The following ITGA2 variants were observed in gnomAD, a reference collection of about 807,000 sequenced individuals.
The protein encoded by ITGA2 is integrin subunit alpha 2.
ITGA2 carries 101 observed loss-of-function variants against 146.3 expected under a neutral mutation model. That is an observed-to-expected ratio of 0.69 (90% CI 0.59 to 0.81). The LOEUF is 0.81. Among genes scored for constraint, ITGA2 ranks in the 40% least tolerant of loss-of-function variants. The pLI, the probability that ITGA2 is intolerant of heterozygous loss-of-function variation, is 0.00. For missense variants in ITGA2, 1,281 were observed against 1,402.7 expected (o/e 0.91, Z 1.39); for synonymous variants, 477 against 487.1 (o/e 0.98, Z 0.27).
chr5:53,016,222 A>T (rs1037223073), intron 1 of ITGA2, among the ~76,000 whole-genome samples: 13 of 152,226 alleles, frequency 8.5e-5, no homozygotes, highest in African/African-American at 3.1e-4. Flanking sequence ...AGCTGCTAAC[A>T]GTCTTTCCTT....
At chr5:53,090,132 C>A in intron 29 of ITGA2, 70 bp downstream of exon 29, 1 of 917,576 alleles carries the variant, frequency 1.1e-6, no homozygotes, top group South Asian at 1.3e-5. Context: ...TACAAAACAT[C>A]AACTTCAGGT....
intron 1 of ITGA2, among the ~76,000 whole-genome samples, chr5:52,995,710 G>A (rs1010521748): frequency 6.6e-6 from 1 of 152,206 alleles, no homozygotes; most frequent in African/African-American, 2.4e-5. Flanking sequence ...ATGTAGTGGC[G>A]TTAGGAACAG....
intron 16 of ITGA2, among the ~76,000 whole-genome samples, chr5:53,067,467 T>C (rs902882439): frequency 2.0e-5 from 3 of 151,894 alleles, no homozygotes; most frequent in Non-Finnish European, 4.4e-5. Flanking sequence ...AAGGTTCTGC[T>C]GCAGAAAGTT....
At chr5:53,003,833 CAG>C (rs1392193673) in intron 1 of ITGA2, among the ~76,000 whole-genome samples, 1 of 152,000 alleles carries the variant, frequency 6.6e-6, no homozygotes, top group Admixed American at 6.6e-5. Flanking sequence ...TTTTTAGAGA[CAG>C]AGTCTCACGA....
At chr5:53,078,680 C>G in intron 23 of ITGA2, 92 bp from the exon 24 acceptor site, 1 of 760,428 alleles carries the variant, frequency 1.3e-6, no homozygotes, top group South Asian at 1.5e-5. Flanking sequence ...TTTACTTTAA[C>G]CTAAGCTATA....
chr5:53,046,808 AT>A (rs1455720076), intron 4 of ITGA2, among the ~76,000 whole-genome samples: 6 of 152,034 alleles, frequency 3.9e-5, no homozygotes, highest in African/African-American at 2.4e-5. Flanking sequence ...CAATCATCAC[AT>A]TTTTTTGAAA....
chr5:53,087,388 C>T (rs1242990681), intron 28 of ITGA2, among the ~76,000 whole-genome samples: 1 of 152,172 alleles, frequency 6.6e-6, no homozygotes, highest in East Asian at 1.9e-4. Flanking sequence ...TTCCTTTCTC[C>T]TCCTGCTTAC....
At position 53,030,468 on chromosome 5, in the gene ITGA2, T is replaced by C. The variant is rs530730093; in HGVS notation, c.185+3600T>C. Among the ~76,000 whole-genome samples, 9 of 152,272 alleles carry C rather than the reference T, an allele frequency of 5.9e-5. No homozygotes were observed. The East Asian group carries it at 1.7e-3, about 30-fold the overall frequency. ...TTAGGCTCAAGGCCTAACCACCAGA[T>C]GATACAAGCATACCCCACCATGCAA... On this transcript the variant is annotated intron_variant, in intron 2 of 29. Coordinates refer to ENST00000296585, the MANE Select transcript of ITGA2 (RefSeq NM_002203.4).
chr5:53,051,071 A>G (rs1195319651), intron 6 of ITGA2, among the ~76,000 whole-genome samples: 2 of 152,202 alleles, frequency 1.3e-5, no homozygotes, highest in African/African-American at 4.8e-5. Context: ...ATTTATATCA[A>G]GTTTAATCTT....
At position 53,061,057 on chromosome 5, in the gene ITGA2, C is replaced by G. The variant is rs571609627; in HGVS notation, c.1458+11C>G. The G allele has an allele frequency of 9.9e-5, 160 of 1,611,692 alleles. No individual in the cohort carries two copies. In the South Asian group the frequency reaches 1.6e-3, roughly 17 times the overall value. On this transcript the variant is annotated intron_variant, in intron 12 of 29. Coordinates refer to ENST00000296585, the MANE Select transcript of ITGA2 (RefSeq NM_002203.4). Reference sequence around the variant, plus strand: ...CACCGAGGTGACCAGGTAAATCTCACTGTTTAGCAGGTGAAATTAATTTTA... The same window carrying G: ...CACCGAGGTGACCAGGTAAATCTCAGTGTTTAGCAGGTGAAATTAATTTTA...
At chr5:53,011,698 C>G (rs1742137218) in intron 1 of ITGA2, among the ~76,000 whole-genome samples, 1 of 151,540 alleles carries the variant, frequency 6.6e-6, no homozygotes, top group South Asian at 2.1e-4. Context: ...TTAAAAAGAA[C>G]TTTGAGAGAT....
At chr5:53,067,091 C>T in intron 15 of ITGA2, 27 bp from the exon 16 acceptor site, 2 of 1,603,860 alleles carry the variant, frequency 1.2e-6, no homozygotes, top group Non-Finnish European at 1.7e-6. Flanking sequence ...TAACATCCAT[C>T]CATCTGTTAC....
intron 1 of ITGA2, among the ~76,000 whole-genome samples, chr5:53,021,402 G>A (rs1308605112): frequency 6.6e-6 from 1 of 152,144 alleles, no homozygotes; most frequent in Non-Finnish European, 1.5e-5. Context: ...TAGAATTTCT[G>A]TGGCCCAGCC....
chr5:53,046,362 A>G (rs190885176), intron 4 of ITGA2, among the ~76,000 whole-genome samples: 1 of 151,958 alleles, frequency 6.6e-6, no homozygotes, highest in African/African-American at 2.4e-5. Context: ...TTACTAATGG[A>G]TATTATTATT....
At chr5:53,034,555 G>A (rs1436786530) in intron 2 of ITGA2, among the ~76,000 whole-genome samples, 1 of 152,180 alleles carries the variant, frequency 6.6e-6, no homozygotes, top group Non-Finnish European at 1.5e-5. Flanking sequence ...GCACGTGGGA[G>A]AGATATGTTG....
chr5:53,035,204 CCT>C (rs1373168467), intron 2 of ITGA2, among the ~76,000 whole-genome samples: 5 of 152,182 alleles, frequency 3.3e-5, no homozygotes, highest in African/African-American at 9.7e-5. Flanking sequence ...AAATTATCCC[CCT>C]CTCTCCCTCC....
intron 4 of ITGA2, among the ~76,000 whole-genome samples, chr5:53,047,309 G>A (rs1040656787): frequency 6.6e-6 from 1 of 152,016 alleles, no homozygotes; most frequent in Non-Finnish European, 1.5e-5. Context: ...TTTTGCACTT[G>A]TCTCCTTTTT....
chr5:53,066,541 AAAG>A (rs1471293131), intron 15 of ITGA2, among the ~76,000 whole-genome samples: 1 of 151,928 alleles, frequency 6.6e-6, no homozygotes, highest in African/African-American at 2.4e-5. Context: ...ATAGAATCAG[AAAG>A]AAGTTGTTTA....
At chr5:53,052,882 A>C (rs1258127207) in intron 7 of ITGA2, among the ~76,000 whole-genome samples, 1 of 152,078 alleles carries the variant, frequency 6.6e-6, no homozygotes, top group South Asian at 2.1e-4. Context: ...CAGCAGCAGC[A>C]CTGTTGGGTT....
Sources: gnomAD v4.1 joint callset for allele counts (sites outside exome capture counted in the v4.1 genomes callset) on GRCh38, gnomAD v4.1.1 for gene constraint, MANE v1.5 for transcripts, NCBI Gene and HGNC (gene_info 2026-07-23, HGNC 2026-07-21) for gene names.